Variants in ERN1 observed in about 807,000 individuals in gnomAD.
ERN1 encodes endoplasmic reticulum to nucleus signaling 1, also known as serine/threonine-protein kinase/endoribonuclease IRE1.
A neutral mutation model predicts 113.1 loss-of-function variants in ERN1; 39 were observed. The observed-to-expected ratio is 0.34, with a 90% CI of 0.27 to 0.45. The LOEUF (loss-of-function observed/expected upper bound fraction) is 0.45, where lower values mean the gene tolerates loss of function less well. ERN1 is among the 20% of genes least tolerant of loss of function. The pLI is 1.00. For synonymous variants in ERN1, 507 were observed against 515.9 expected (o/e 0.98, Z 0.23); for missense variants, 976 against 1,274.8 (o/e 0.77, Z 3.57).
At chr17:64,111,010 A>T (rs1340226534) in intron 1 of ERN1, among the ~76,000 whole-genome samples, 1 of 152,234 alleles carries the variant, frequency 6.6e-6, no homozygotes, top group East Asian at 1.9e-4. Context: ...AAGAATTACC[A>T]GCCAGAAGAT....
At chr17:64,124,696 C>T (rs567061189) in intron 1 of ERN1, among the ~76,000 whole-genome samples, 8 of 152,218 alleles carry the variant, frequency 5.3e-5, no homozygotes, top group African/African-American at 1.2e-4. Context: ...TGCCCAGTCT[C>T]GGGTATGTCT....
At chr17:64,067,214 G>C (rs960706653) in intron 7 of ERN1, among the ~76,000 whole-genome samples, 12 of 152,116 alleles carry the variant, frequency 7.9e-5, no homozygotes, top group Admixed American at 2.0e-4. Flanking sequence ...ATAAGTGAGA[G>C]TAAATACTGA....
chr17:64,107,574 A>T (rs1056998907), intron 1 of ERN1, among the ~76,000 whole-genome samples: 2 of 152,032 alleles, frequency 1.3e-5, no homozygotes, highest in African/African-American at 2.4e-5. Context: ...TTCCCGCCTC[A>T]CCTCTCAAAG....
At chr17:64,064,778 G>A (rs1913165794) in intron 9 of ERN1, among the ~76,000 whole-genome samples, 1 of 152,174 alleles carries the variant, frequency 6.6e-6, no homozygotes. Context: ...GAAGAAGAAA[G>A]GGCATTTGAA....
At chr17:64,113,306 T>G (rs774983856) in intron 1 of ERN1, among the ~76,000 whole-genome samples, 2 of 152,204 alleles carry the variant, frequency 1.3e-5, no homozygotes, top group African/African-American at 2.4e-5. Flanking sequence ...TCAGTGGATA[T>G]TTTAGGATGA....
intron 2 of ERN1, among the ~76,000 whole-genome samples, chr17:64,089,122 A>G (rs1914015612): frequency 6.6e-6 from 1 of 152,056 alleles, no homozygotes; most frequent in Non-Finnish European, 1.5e-5. Flanking sequence ...GATCGAAACC[A>G]TCCTGGCTAA....
chr17:64,061,063 G>T (rs1298692591), intron 10 of ERN1, among the ~76,000 whole-genome samples: 2 of 152,136 alleles, frequency 1.3e-5, no homozygotes, highest in Non-Finnish European at 2.9e-5. Context: ...CTTCCATCGG[G>T]GAAAGTGGTA....
intron 4 of ERN1, among the ~76,000 whole-genome samples, chr17:64,077,584 G>A (rs372068350): frequency 7.2e-5 from 11 of 152,070 alleles, no homozygotes; most frequent in East Asian, 3.8e-4. Context: ...AGTCATCCGC[G>A]GCGTGTGTCG....
chr17:64,077,350 C>A (rs1913624014), intron 4 of ERN1, among the ~76,000 whole-genome samples: 1 of 152,214 alleles, frequency 6.6e-6, no homozygotes, highest in Admixed American at 6.5e-5. Context: ...ACAGCTCAGT[C>A]AAGTTTCACA....
At position 64,098,202 on chromosome 17, in the gene ERN1, A is replaced by G. The variant is rs764458293; in HGVS notation, c.94T>C (p.Leu32=). 6 of 1,613,978 alleles carry G rather than the reference A, an allele frequency of 3.7e-6. No individual in the cohort carries two copies. The highest frequency in any genetic ancestry group is 2.2e-5 in the East Asian group (1 of 44,888). Reference sequence around the variant, plus strand: ...CCATCCAGCGTTGACACAAACAACAAGGTTTCAGGAAGCGTCACTGTGCTG... The same window carrying G: ...CCATCCAGCGTTGACACAAACAACAGGGTTTCAGGAAGCGTCACTGTGCTG... The part of the protein sequence containing the change: ...STSTVTLPET[L]LFVSTLDGSL... The change falls in exon 2 of 22, where the codon TTG becomes CTG. Residue 32 remains leucine (L), a synonymous_variant. Coordinates refer to ENST00000433197, the MANE Select transcript of ERN1 (RefSeq NM_001433.5).
chr17:64,068,657 A>G (rs1913315552), intron 6 of ERN1, among the ~76,000 whole-genome samples: 1 of 152,272 alleles, frequency 6.6e-6, no homozygotes, highest in South Asian at 2.1e-4. Context: ...GCGCCATAAC[A>G]AACACCTAAA....
chr17:64,087,630 C>CT (rs1913973986), intron 2 of ERN1, among the ~76,000 whole-genome samples: 1 of 152,052 alleles, frequency 6.6e-6, no homozygotes, highest in African/African-American at 2.4e-5. Flanking sequence ...AAGCTGGGTG[C>CT]TGGGTACATG....
Position 64,049,294 on chromosome 17 carries a change from C to A in ERN1, c.2254-92G>T. On this transcript the variant is annotated intron_variant, in intron 17 of 21. Transcript: ENST00000433197. The surrounding 1 kb of genome is among the most constrained non-coding windows in gnomAD (Gnocchi z 4.7). Reference sequence around the variant, plus strand: ...GGGAGGAGCATTGCTGCTGCTTCTGCCACCTAGAAGGTGTCCTGGGAGAAT... The same window carrying A: ...GGGAGGAGCATTGCTGCTGCTTCTGACACCTAGAAGGTGTCCTGGGAGAAT... 7.5e-7 allele frequency: 1 copy of A among 1,331,068 alleles called. No homozygotes were observed. Among genetic ancestry groups the A allele is most frequent in the Non-Finnish European group, 1.0e-6 (1 of 986,248 alleles). 82.5% of individuals were successfully genotyped at this position (1,331,068 alleles called of 1,614,324 possible).
rs751688617 is a variant in ERN1, at chr17:64,052,809, T to C, written c.2224A>G (p.Met742Val). 3 of 1,613,978 alleles carry C rather than the reference T, an allele frequency of 1.9e-6. No homozygotes were observed. Among genetic ancestry groups the C allele is most frequent in the Non-Finnish European group, 2.5e-6 (3 of 1,179,890 alleles). ...TTCTCCTTACAGTCTTCGCTCAGCA[T>C]CTCTGGAGCGATCCAGCCTTCTGTG... is the stretch of plus-strand genomic sequence containing the variant. Reference protein sequence around the residue: ...PGTEGWIAPEMLSEDCKENPT... With the variant: ...PGTEGWIAPEVLSEDCKENPT... Residue 742 changes from methionine to valine, a missense_variant, in exon 17 of 22, where the codon ATG becomes GTG. Physicochemically the swap from Met to Val is conservative, Grantham distance 21. Transcript: ENST00000433197.
intron 5 of ERN1, among the ~76,000 whole-genome samples, chr17:64,074,190 T>C (rs567933729): frequency 6.6e-5 from 10 of 152,350 alleles, no homozygotes; most frequent in Admixed American, 1.3e-4. Flanking sequence ...AATGGGTAGA[T>C]TGGGCAACTA....
Position 64,044,782 on chromosome 17 carries a change from A to T in ERN1, c.2721+78T>A. ...GAATGCCAGTACAGATAAAAGATTT[A>T]TAAAGAATGGATGAAAGGAGGAAGG... On this transcript the variant is annotated intron_variant, in intron 21 of 21. Transcript: ENST00000433197. The surrounding 1 kb of genome is among the most constrained non-coding windows in gnomAD (Gnocchi z 4.1). 1.0e-6 allele frequency: 1 copy of T among 992,286 alleles called. No individual in the cohort carries two copies. Among genetic ancestry groups the T allele is most frequent in the Non-Finnish European group, 1.6e-6 (1 of 640,050 alleles). The allele number at this position is 992,286 out of a possible 1,614,324, so 61.5% of individuals were successfully genotyped here.
chr17:64,055,372 A>G (rs1912825664), intron 13 of ERN1, among the ~76,000 whole-genome samples: 1 of 152,158 alleles, frequency 6.6e-6, no homozygotes, highest in Admixed American at 6.5e-5. Flanking sequence ...ACACTTGGCC[A>G]CCGGCTGGCC....
chr17:64,076,987 C>T (rs1471582240), intron 4 of ERN1, among the ~76,000 whole-genome samples: 1 of 152,194 alleles, frequency 6.6e-6, no homozygotes, highest in African/African-American at 2.4e-5. Context: ...ACGGGGATAT[C>T]ACCCACAGGG....
intron 1 of ERN1, among the ~76,000 whole-genome samples, chr17:64,117,908 G>A (rs1027568717): frequency 5.3e-5 from 8 of 152,192 alleles, no homozygotes; most frequent in African/African-American, 1.9e-4. Flanking sequence ...GTTCCATGAG[G>A]GCGGGGGTCT....
Sources: gnomAD v4.1 joint callset for allele counts (sites outside exome capture counted in the v4.1 genomes callset) on GRCh38, gnomAD v4.1.1 for gene constraint, Gnocchi (gnomAD v3.1) non-coding constraint, MANE v1.5 for transcripts, NCBI Gene and HGNC (gene_info 2026-07-23, HGNC 2026-07-21) for gene names.